Variants in RYR2 observed in about 807,000 individuals in gnomAD.
RYR2 encodes cardiac muscle ryanodine receptor-calcium release channel.
Under a neutral mutation model 601.1 loss-of-function variants are expected in RYR2, and 227 were observed. That is an observed-to-expected ratio of 0.38 (90% confidence interval 0.34 to 0.42). RYR2 has a LOEUF of 0.42. Ranked by LOEUF, RYR2 falls within the 10% of genes least tolerant of loss-of-function variation. The pLI is 1.00. For synonymous variants in RYR2, 2,223 were observed against 2,175.1 expected (o/e 1.02, Z -0.61); for missense variants, 4,646 against 6,156.5 (o/e 0.75, Z 8.21).
chr1:237,767,735 G>A (rs1339552975), intron 84 of RYR2, among the ~76,000 whole-genome samples: 1 of 152,100 alleles, frequency 6.6e-6, no homozygotes, highest in African/African-American at 2.4e-5. Context: ...CGCTTAAACA[G>A]CAATATTAAA....
intron 12 of RYR2, among the ~76,000 whole-genome samples, chr1:237,429,761 T>C (rs1450869499): frequency 6.6e-6 from 1 of 152,182 alleles, no homozygotes; most frequent in Non-Finnish European, 1.5e-5. Context: ...GCCTTTCATC[T>C]GTTGATCTAT....
chr1:237,754,156 T>G (rs1486236815), intron 80 of RYR2, among the ~76,000 whole-genome samples: 2 of 61,482 alleles, frequency 3.3e-5, no homozygotes, highest in Non-Finnish European at 5.7e-5. Flanking sequence ...GGCTCAATGT[T>G]TTTTTTTTTT....
intron 12 of RYR2, among the ~76,000 whole-genome samples, chr1:237,425,316 ACCCCT>A (rs1208432583): frequency 5.3e-5 from 8 of 152,044 alleles, no homozygotes; most frequent in Non-Finnish European, 5.9e-5. Context: ...GATCACCAAC[ACCCCT>A]CCCCCATGCA....
In RYR2 at chr1:237,627,872, C is replaced by G. The variant is rs780993255; in HGVS notation, c.6232C>G (p.Pro2078Ala). 1.2e-6 allele frequency: 2 copies of G among 1,613,468 alleles called. No homozygotes were observed. Residue 2078 changes from proline (P) to alanine (A), a missense_variant, in exon 41 of 105, where the codon CCC becomes GCC. By Grantham distance (27) the Pro-to-Ala change is conservative (BLOSUM62 -1). Around this residue, in one of 17 missense-constraint regions of RYR2, gnomAD observed 170 missense variants for 184.5 expected, o/e 0.92. Transcript: ENST00000366574. ...GGCTCAGGAGTCTGTCATTGAAGAC[C>G]CCGAGCTGGTGAGGGCCATGTTTGT... ...RWAQESVIED[P>A]ELVRAMFVLL...
At chr1:237,440,698 A>AAT (rs879617140) in intron 12 of RYR2, among the ~76,000 whole-genome samples, 59 of 152,330 alleles carry the variant, frequency 3.9e-4, no homozygotes, top group Non-Finnish European at 4.3e-4. Flanking sequence ...TGATTAGTTC[A>AAT]AAATAAATAA....
At position 237,610,087 on chromosome 1, in the gene RYR2, G is replaced by T. The variant is rs899221440; in HGVS notation, c.4684-675G>T. ...TGGTTTTCTTATGGTCCCATAAGAG[G>T]CAGGCATCGGTGTTGTCAAGATCAT... On this transcript the variant is annotated intron_variant, in intron 35 of 104. Coordinates refer to ENST00000366574, the MANE Select transcript of RYR2 (RefSeq NM_001035.3). The surrounding 1 kb of genome is among the most constrained non-coding windows in gnomAD (Gnocchi z 4.9). Among the ~76,000 whole-genome samples, 1 of 152,138 alleles carries T rather than the reference G, an allele frequency of 6.6e-6. No homozygotes were observed. Among genetic ancestry groups the T allele is most frequent in the Non-Finnish European group, 1.5e-5 (1 of 68,028 alleles).
In RYR2 at chr1:237,091,197, G is replaced by A. The variant is rs571774617; in HGVS notation, c.48+48628G>A. ...CAAACACCCCTGCTAACTACTGGGG[G>A]GTTCTGTGAACACCCAGAAACACAA... On this transcript the variant is annotated intron_variant, in intron 1 of 104. Transcript: ENST00000366574. 4.6e-5 allele frequency among the ~76,000 whole-genome samples: 7 copies of A among 152,202 alleles called. No homozygotes were observed. The East Asian group carries it at 1.2e-3, about 25-fold the overall frequency.
chr1:237,824,148 A>G (rs1342045546), intron 101 of RYR2, among the ~76,000 whole-genome samples: 1 of 152,208 alleles, frequency 6.6e-6, no homozygotes, highest in Non-Finnish European at 1.5e-5. Context: ...AACAATAGAA[A>G]AAGAGGGAAT....
At chr1:237,212,895 T>C (rs1176880528) in intron 1 of RYR2, among the ~76,000 whole-genome samples, 1 of 151,620 alleles carries the variant, frequency 6.6e-6, no homozygotes, top group Admixed American at 6.6e-5. Context: ...CCTCAGCCTC[T>C]GGAGTAGCTG....
At chr1:237,775,025 A>C (rs1694547282) in intron 87 of RYR2, among the ~76,000 whole-genome samples, 3 of 149,482 alleles carry the variant, frequency 2.0e-5, no homozygotes, top group Non-Finnish European at 4.4e-5. Context: ...GAATGTTTAA[A>C]GGATATTGGA....
intron 79 of RYR2, among the ~76,000 whole-genome samples, chr1:237,738,210 T>C (rs540988589): frequency 3.9e-5 from 6 of 152,348 alleles, no homozygotes; most frequent in African/African-American, 1.4e-4. Context: ...ATCATTTATA[T>C]CTTACTTAGG....
intron 94 of RYR2, among the ~76,000 whole-genome samples, 198 bp from the exon 95 acceptor site, chr1:237,793,669 A>G (rs911174872): frequency 4.6e-5 from 7 of 152,182 alleles, no homozygotes; most frequent in African/African-American, 7.2e-5. Context: ...TGTAATATCT[A>G]TTCTATCTTC....
chr1:237,532,145 C>G (rs1668196060), intron 25 of RYR2, among the ~76,000 whole-genome samples: 1 of 151,950 alleles, frequency 6.6e-6, no homozygotes, highest in Admixed American at 6.5e-5. Flanking sequence ...TTTTAGTACA[C>G]AGGTGCTCAA....
At chr1:237,479,376 A>G (rs1661773433) in intron 17 of RYR2, among the ~76,000 whole-genome samples, 1 of 152,178 alleles carries the variant, frequency 6.6e-6, no homozygotes, top group Non-Finnish European at 1.5e-5. Flanking sequence ...AACTACAACA[A>G]CTAGACTATT....
chr1:237,388,353 A>C (rs1702114352), intron 10 of RYR2, among the ~76,000 whole-genome samples, 170 bp downstream of exon 10: 1 of 152,166 alleles, frequency 6.6e-6, no homozygotes, highest in Admixed American at 6.5e-5. Flanking sequence ...GCTTTTTCTC[A>C]TGTTATATTT....
intron 1 of RYR2, among the ~76,000 whole-genome samples, chr1:237,061,265 TATCC>T (rs1558163802): frequency 1.0e-4 from 9 of 89,100 alleles, no homozygotes; most frequent in Non-Finnish European, 2.1e-4. Flanking sequence ...TCTATCTATC[TATCC>T]ATCTATCATC....
chr1:237,552,673 T>C (rs551333030), intron 27 of RYR2, among the ~76,000 whole-genome samples: 1 of 152,080 alleles, frequency 6.6e-6, no homozygotes, highest in Non-Finnish European at 1.5e-5. Flanking sequence ...TTGTTCATCA[T>C]GATGCTTTTA....
intron 1 of RYR2, among the ~76,000 whole-genome samples, chr1:237,151,821 T>C (rs975216848): frequency 5.3e-5 from 8 of 152,188 alleles, no homozygotes; most frequent in Non-Finnish European, 1.2e-4. Context: ...TGGACATTGA[T>C]CTTGCAGCTA....
intron 1 of RYR2, among the ~76,000 whole-genome samples, chr1:237,061,400 C>A (rs1662879220): frequency 6.6e-6 from 1 of 152,132 alleles, no homozygotes; most frequent in Non-Finnish European, 1.5e-5. Context: ...TTGCTGCAGC[C>A]TTAAACTACT....
Sources: allele counts gnomAD v4.1 joint callset (sites outside exome capture counted in the v4.1 genomes callset), GRCh38; gene constraint gnomAD v4.1.1; regional missense constraint gnomAD v4.1.1; non-coding constraint Gnocchi (gnomAD v3.1); transcripts MANE v1.5; gene names NCBI Gene and HGNC (gene_info 2026-07-23, HGNC 2026-07-21).